Variants in PRKN observed in about 807,000 individuals in gnomAD.
The protein encoded by PRKN is parkin RBR E3 ubiquitin protein ligase, also known as E3 ubiquitin-protein ligase parkin.
Under a neutral mutation model 59.5 loss-of-function variants are expected in PRKN, and 56 were observed. The observed-to-expected ratio is 0.94, with a 90% CI of 0.76 to 1.18. The LOEUF (loss-of-function observed/expected upper bound fraction) is 1.18. Among genes scored for constraint, PRKN ranks in the 50% most tolerant of loss-of-function variants. The pLI, the probability that PRKN is intolerant of heterozygous loss-of-function variation, is 0.00. For synonymous variants in PRKN, 250 were observed against 222.1 expected, an observed-to-expected ratio of 1.13 and a Z score of -1.12; for missense variants, 657 against 596.4, an observed-to-expected ratio of 1.10 and a Z score of -1.06.
intron 3 of PRKN, among the ~76,000 whole-genome samples, chr6:162,235,446 G>A (rs113933327): frequency 0.016 from 2,488 of 152,206 alleles, 40 homozygotes; most frequent in Middle Eastern, 0.024. Context: ...TACATATAAA[G>A]AATGCATATT....
rs570452058 is a variant in PRKN, at chr6:161,423,596, C to A, written c.1084-36719G>T. Among the ~76,000 whole-genome samples the A allele has an allele frequency of 6.6e-6, 1 of 152,098 alleles. No individual in the cohort carries two copies. Among genetic ancestry groups the A allele is most frequent in the Non-Finnish European group, 1.5e-5 (1 of 68,034 alleles). On this transcript the variant is annotated intron_variant, in intron 9 of 11. Coordinates refer to ENST00000366898, the MANE Select transcript of PRKN (RefSeq NM_004562.3). The surrounding 1 kb of genome is among the most constrained non-coding windows in gnomAD (Gnocchi z 5.9). Reference sequence around the variant, plus strand: ...TTACAGATTTAGATGACTTGTCAATCCCAAGCTGGAATTCATAAAATTGGC... The same window carrying A: ...TTACAGATTTAGATGACTTGTCAATACCAAGCTGGAATTCATAAAATTGGC...
intron 2 of PRKN, among the ~76,000 whole-genome samples, chr6:162,279,883 T>C (rs1780808564): frequency 6.6e-6 from 1 of 152,216 alleles, no homozygotes; most frequent in Non-Finnish European, 1.5e-5. Flanking sequence ...ATATTTAGGA[T>C]AGTTAGCTCT....
Position 162,645,898 on chromosome 6 carries a change from A to G in PRKN, c.7+81764T>C, listed in dbSNP as rs1490766929. ...TTTTTTTTTTTTTTTTTTTTGAGAC[A>G]GAGTCTTGCTCTGTCGCCCAGGCTG... On this transcript the variant is annotated intron_variant, in intron 1 of 11. Coordinates refer to ENST00000366898, the MANE Select transcript of PRKN (RefSeq NM_004562.3). Among the ~76,000 whole-genome samples the G allele has an allele frequency of 3.0e-3, 411 of 135,398 alleles. 2 individuals are homozygous for G. The highest frequency in any genetic ancestry group is 0.011 in the African/African-American group (389 of 36,016). 88.8% of individuals were successfully genotyped at this position (135,398 alleles called of 152,430 possible).
At chr6:162,365,003 T>C (rs1785357579) in intron 2 of PRKN, among the ~76,000 whole-genome samples, 1 of 149,984 alleles carries the variant, frequency 6.7e-6, no homozygotes, top group Non-Finnish European at 1.5e-5. Context: ...TTTGCCAATA[T>C]GTAGTGTGGG....
intron 1 of PRKN, among the ~76,000 whole-genome samples, chr6:162,723,106 T>G (rs1366535022): frequency 6.6e-6 from 1 of 152,142 alleles, no homozygotes; most frequent in East Asian, 1.9e-4. Context: ...AAAACAAATA[T>G]GCAGATGTGT....
chr6:161,944,091 G>A, intron 6 of PRKN, among the ~76,000 whole-genome samples: 1 of 137,542 alleles, frequency 7.3e-6, no homozygotes, highest in African/African-American at 2.5e-5. Context: ...GGACCAGCCT[G>A]AGGGATCAGC....
intron 4 of PRKN, among the ~76,000 whole-genome samples, chr6:162,070,830 C>T (rs1001899457): frequency 2.6e-5 from 4 of 152,072 alleles, no homozygotes; most frequent in Admixed American, 1.3e-4. Flanking sequence ...AATGCTCGCT[C>T]GCCTACTGCT....
At chr6:162,479,159 G>C (rs918915252) in intron 1 of PRKN, among the ~76,000 whole-genome samples, 2 of 151,542 alleles carry the variant, frequency 1.3e-5, no homozygotes, top group African/African-American at 4.8e-5. Flanking sequence ...CTACACAAAA[G>C]TATTCCTTCT....
At chr6:162,329,389 G>A (rs1243509506) in intron 2 of PRKN, among the ~76,000 whole-genome samples, 1 of 152,040 alleles carries the variant, frequency 6.6e-6, no homozygotes, top group African/African-American at 2.4e-5. Flanking sequence ...CTTCCATATC[G>A]ATGGCTCCTT....
chr6:162,691,499 T>C (rs1751068825), intron 1 of PRKN, among the ~76,000 whole-genome samples: 1 of 152,150 alleles, frequency 6.6e-6, no homozygotes. Context: ...TATTTATATG[T>C]ACCTCCCATT....
At chr6:161,630,874 G>C (rs79210564) in intron 7 of PRKN, among the ~76,000 whole-genome samples, 4,050 of 152,290 alleles carry the variant, frequency 0.027, 164 homozygotes, top group African/African-American at 0.093. Flanking sequence ...CATGACACAG[G>C]AAGTTCGAGT....
At chr6:161,598,702 T>C (rs1370579304) in intron 7 of PRKN, among the ~76,000 whole-genome samples, 1 of 152,234 alleles carries the variant, frequency 6.6e-6, no homozygotes, top group Admixed American at 6.5e-5. Context: ...ACAGGATATT[T>C]AACAATATAT....
intron 9 of PRKN, among the ~76,000 whole-genome samples, chr6:161,427,181 G>C (rs181300172): frequency 7.0e-4 from 107 of 152,214 alleles, no homozygotes; most frequent in African/African-American, 2.2e-3. Context: ...ACAACACTCA[G>C]CTAATTGTTT....
Position 161,569,417 on chromosome 6 carries a change from C to G in PRKN, c.872-1G>C, listed in dbSNP as rs772074730. The G allele has an allele frequency of 1.2e-6, 2 of 1,613,248 alleles. No individual in the cohort carries two copies. Among genetic ancestry groups the G allele is most frequent in the Admixed American group, 3.3e-5 (2 of 60,022 alleles). On this transcript the variant is annotated splice_acceptor_variant, in intron 7 of 11. Coordinates refer to ENST00000366898, the MANE Select transcript of PRKN (RefSeq NM_004562.3). LOFTEE classifies it high-confidence loss of function. Reference sequence around the variant, plus strand: ...TTAATCAAGGAGTTGGGACAGCCAGCTGTTGGAAAGAAGAATTAATCACAA... The same window carrying G: ...TTAATCAAGGAGTTGGGACAGCCAGGTGTTGGAAAGAAGAATTAATCACAA...
At chr6:161,523,519 G>A (rs1778912974) in intron 9 of PRKN, among the ~76,000 whole-genome samples, 1 of 152,054 alleles carries the variant, frequency 6.6e-6, no homozygotes, top group African/African-American at 2.4e-5. Flanking sequence ...TGCTTTTCAT[G>A]GTGTCATTTT....
chr6:161,913,049 G>A (rs1009135637), intron 6 of PRKN, among the ~76,000 whole-genome samples: 2 of 151,554 alleles, frequency 1.3e-5, no homozygotes, highest in African/African-American at 4.9e-5. Flanking sequence ...ATGGTAGCAG[G>A]CACCTGTAAT....
chr6:162,594,742 T>G (rs1314925428), intron 1 of PRKN, among the ~76,000 whole-genome samples: 1 of 152,224 alleles, frequency 6.6e-6, no homozygotes, highest in Non-Finnish European at 1.5e-5. Flanking sequence ...AGTACAGTGG[T>G]CAAAGCCTGA....
At chr6:161,437,326 A>T (rs893583910) in intron 9 of PRKN, among the ~76,000 whole-genome samples, 2 of 152,148 alleles carry the variant, frequency 1.3e-5, no homozygotes, top group Admixed American at 1.3e-4. Flanking sequence ...CAGCGTGGAG[A>T]TGCCAGACAA....
At chr6:162,320,653 C>G (rs1333422378) in intron 2 of PRKN, among the ~76,000 whole-genome samples, 1 of 151,644 alleles carries the variant, frequency 6.6e-6, no homozygotes, top group Non-Finnish European at 1.5e-5. Context: ...TATATAACCA[C>G]TACAAAAACA....
Sources: allele counts gnomAD v4.1 joint callset (sites outside exome capture counted in the v4.1 genomes callset), GRCh38; gene constraint gnomAD v4.1.1; non-coding constraint Gnocchi (gnomAD v3.1); transcripts MANE v1.5; gene names NCBI Gene and HGNC (gene_info 2026-07-23, HGNC 2026-07-21).